The following SLC17A7 variants were observed in gnomAD, a reference collection of about 807,000 sequenced individuals.
The protein encoded by SLC17A7 is vesicular glutamate transporter 1.
SLC17A7 carries 15 observed loss-of-function variants against 59.1 expected under a neutral mutation model. The observed-to-expected ratio is 0.25, with a 90% confidence interval of 0.17 to 0.39. SLC17A7 has a LOEUF of 0.39. Among genes scored for constraint, SLC17A7 ranks in the 10% least tolerant of loss-of-function variants. SLC17A7 has a pLI of 1.00. For missense variants in SLC17A7, 499 were observed against 765.1 expected (o/e 0.65, Z 4.10); for synonymous variants, 353 against 308.9 (o/e 1.14, Z -1.50).
Position 49,429,526 on chromosome 19 carries a change from A to G in SLC17A7, c.*993T>C. On this transcript the variant is annotated 3_prime_UTR_variant, in exon 12 of 12. Transcript: ENST00000221485. ...CCTGGCTCCTGCCCCATTCCCTTTC[A>G]TGGGATTCTGTGACTTCTCTATAGG... 5.0e-6 allele frequency: 2 copies of G among 399,026 alleles called. No individual in the cohort carries two copies. Among genetic ancestry groups the G allele is most frequent in the South Asian group, 1.3e-4 (1 of 7,858 alleles). 24.7% of individuals were successfully genotyped at this position (399,026 alleles called of 1,614,324 possible). A position where few individuals can be genotyped will look rare whatever the true frequency, so the allele number is the denominator to read the frequency against.
At chr19:49,440,718 A>G (rs1207750885) in intron 1 of SLC17A7, among the ~76,000 whole-genome samples, 2 of 152,172 alleles carry the variant, frequency 1.3e-5, no homozygotes, top group African/African-American at 2.4e-5. Flanking sequence ...ACACAGAGAG[A>G]CGGAGAGACC....
intron 3 of SLC17A7, 78 bp from the exon 4 acceptor site, chr19:49,434,960 C>T (rs2078974722): frequency 2.1e-6 from 3 of 1,431,518 alleles, no homozygotes; most frequent in South Asian, 1.2e-5. Context: ...CCACAGCAAG[C>T]TAGGCCCAGT....
Position 49,432,813 on chromosome 19 carries a change from T to C in SLC17A7, c.1015A>G (p.Lys339Glu). The C allele has an allele frequency of 1.9e-6, 3 of 1,589,164 alleles. No individual in the cohort carries two copies. The highest frequency in any genetic ancestry group is 2.6e-6 in the Non-Finnish European group (3 of 1,167,504). ...FEEVFGFEISKVGLVSALPHL... is the reference protein window; with the variant it reads ...FEEVFGFEISEVGLVSALPHL... ...TGCCCTCTCCTCCTGGGCTCTACCTTGCTGATCTCGAAGCCGAACACTTCT... is the reference window on the plus strand; with the variant it reads ...TGCCCTCTCCTCCTGGGCTCTACCTCGCTGATCTCGAAGCCGAACACTTCT... The change falls in exon 8 of 12, where the codon AAG becomes GAG. Residue 339 changes from lysine (K) to glutamate (E), a missense_variant and splice_region_variant. By Grantham distance (56) the Lys-to-Glu change is moderately conservative. Coordinates refer to ENST00000221485, the MANE Select transcript of SLC17A7 (RefSeq NM_020309.4).
chr19:49,435,329 C>A (rs777779248), intron 2 of SLC17A7, 43 bp from the exon 3 acceptor site: 142 of 1,428,750 alleles, frequency 9.9e-5, no homozygotes, highest in Non-Finnish European at 1.3e-4. Flanking sequence ...CCTGTCCAGG[C>A]TCTGCCGCTC....
In SLC17A7 at chr19:49,435,161, A is replaced by G. The variant is rs981569888; in HGVS notation, c.434+7T>C. ...TTACCGCCCACTTTGAGACCCCACC[A>G]CTGTACCTGTTGGCTGCAAATTTTT... is the stretch of plus-strand genomic sequence containing the variant. On this transcript the variant is annotated splice_region_variant and intron_variant, in intron 3 of 11. Transcript: ENST00000221485. 2.4e-5 allele frequency: 38 copies of G among 1,602,380 alleles called. No homozygotes were observed. The Admixed American group carries it at 6.2e-4, about 26-fold the overall frequency.
rs1600984878 is a variant in SLC17A7, at chr19:49,433,179, T to C, written c.868-219A>G. On this transcript the variant is annotated intron_variant, in intron 7 of 11. Coordinates refer to ENST00000221485, the MANE Select transcript of SLC17A7 (RefSeq NM_020309.4). This position sits in a 1 kb window ranked among gnomAD's most constrained non-coding sequence, Gnocchi z 5.7. ...GAGTGATGAAGGGGTCCTGGCCCTA[T>C]GGTAGCCTCTCAGGTCCGCAGGTGT... 1 of 585,080 alleles carries C rather than the reference T, an allele frequency of 1.7e-6. No homozygotes were observed. The highest frequency in any genetic ancestry group is 2.1e-5 in the South Asian group (1 of 46,982). 36.2% of individuals were successfully genotyped at this position (585,080 alleles called of 1,614,324 possible).
In SLC17A7 at chr19:49,436,841, C is replaced by T; in HGVS notation, c.63-40G>A. ...GAGCCAGAGACTCGGAAGTCCAGGC[C>T]CCCAGCCCCCTCACCCCCAAGACCA... On this transcript the variant is annotated intron_variant, in intron 1 of 11. Transcript: ENST00000221485. This position sits in a 1 kb window ranked among gnomAD's most constrained non-coding sequence, Gnocchi z 4.1. 1.9e-6 allele frequency: 3 copies of T among 1,588,042 alleles called. No individual in the cohort carries two copies. The highest frequency in any genetic ancestry group is 2.6e-6 in the Non-Finnish European group (3 of 1,173,090).
At position 49,434,897 on chromosome 19, in the gene SLC17A7, CAGAGA is replaced by C. The variant is rs2078974352; in HGVS notation, c.435-20_435-16del. 6.2e-7 allele frequency: 1 copy of C among 1,606,254 alleles called. No homozygotes were observed. Among genetic ancestry groups the C allele is most frequent in the African/African-American group, 1.3e-5 (1 of 74,524 alleles). On this transcript the variant is annotated splice_polypyrimidine_tract_variant and intron_variant, in intron 3 of 11. Coordinates refer to ENST00000221485, the MANE Select transcript of SLC17A7 (RefSeq NM_020309.4). ...AGCCGAAAACTCTGATGGGAAGGGT[CAGAGA>C]AAAGAATCCAAGCTATCCAGCCATG...
Position 49,431,366 on chromosome 19 carries a change from G to T in SLC17A7, c.1233C>A (p.Ala411=). ...AGATGGCGAAGCCGCTGAAGCCCAC[G>T]GCTAGGACCAGGAAGGAGATGGCCA... ...KGVAISFLVL[A]VGFSGFAISG... The change falls in exon 10 of 12, where the codon GCC becomes GCA. Residue 411 remains alanine, a synonymous_variant. Coordinates refer to ENST00000221485, the MANE Select transcript of SLC17A7 (RefSeq NM_020309.4). The surrounding 1 kb of genome is among the most constrained non-coding windows in gnomAD (Gnocchi z 4.6). 3 of 1,614,180 alleles carry T rather than the reference G, an allele frequency of 1.9e-6. No individual in the cohort carries two copies. Among genetic ancestry groups the T allele is most frequent in the South Asian group, 2.2e-5 (2 of 91,086 alleles).
chr19:49,430,418 A>AG lies in SLC17A7; in HGVS notation c.*100dup. 1 of 836,654 alleles carries AG rather than the reference A, an allele frequency of 1.2e-6. No individual in the cohort carries two copies. Among genetic ancestry groups the AG allele is most frequent in the Non-Finnish European group, 1.9e-6 (1 of 538,948 alleles). 51.8% of individuals were successfully genotyped at this position (836,654 alleles called of 1,614,324 possible). A position where few individuals can be genotyped will look rare whatever the true frequency, so the allele number is the denominator to read the frequency against. The stretch of plus-strand genomic sequence containing the variant: ...CAAGGGAGAGTGCTTCTTAGGCCTG[A>AG]GGCAGGACAGAGAGGAGCAGGGTTC... On this transcript the variant is annotated 3_prime_UTR_variant, in exon 12 of 12. Coordinates refer to ENST00000221485, the MANE Select transcript of SLC17A7 (RefSeq NM_020309.4).
rs141869980 is a variant in SLC17A7 at position 49,430,598 on chromosome 19, G to C, written c.1604C>G (p.Pro535Arg). The C allele has an allele frequency of 4.5e-5, 72 of 1,613,068 alleles. No homozygotes were observed. The Middle Eastern group carries it at 2.0e-3, about 44-fold the overall frequency. Residue 535 changes from proline (P) to arginine (R), a missense_variant, in exon 12 of 12, where the codon CCT (proline) becomes CGT (arginine). By Grantham distance (103) the Pro-to-Arg change is moderately radical. This residue lies in a region of SLC17A7 where 98 missense variants were observed against 77.5 expected (regional missense o/e 1.27). Transcript: ENST00000221485. ...GGCCCCATAGGAGGGCGGGGGTGCA[G>C]GGGGTGCCCCCGGGGGCTCAGCCTC... Reference protein sequence around the residue: ...EDEAEPPGAPPAPPPSYGATH... With the variant: ...EDEAEPPGAPRAPPPSYGATH...
In SLC17A7 at chr19:49,440,819, G is replaced by A. The variant is rs533897342; in HGVS notation, c.62+499C>T. The stretch of plus-strand genomic sequence containing the variant: ...AGGGAAGAGGAGAGACCCAGAAAGA[G>A]GGGGACAGAGACTCTGAGTCAGGAG... On this transcript the variant is annotated intron_variant, in intron 1 of 11. Coordinates refer to ENST00000221485, the MANE Select transcript of SLC17A7 (RefSeq NM_020309.4). Among the ~76,000 whole-genome samples, 8 of 151,978 alleles carry A rather than the reference G, an allele frequency of 5.3e-5. No individual in the cohort carries two copies. The South Asian group carries it at 1.7e-3, about 32-fold the overall frequency.
Position 49,435,300 on chromosome 19 carries a change from T to G in SLC17A7, c.316-14A>C, listed in dbSNP as rs1339175511. ...GAACTGGGCTTTCTGCGGGCCAAAA[T>G]GTACATTAAATCAGCCGCCCTGTCC... On this transcript the variant is annotated splice_polypyrimidine_tract_variant and intron_variant, in intron 2 of 11. Coordinates refer to ENST00000221485, the MANE Select transcript of SLC17A7 (RefSeq NM_020309.4). The G allele has an allele frequency of 1.0e-5, 16 of 1,594,772 alleles. No homozygotes were observed. In the Admixed American group the frequency reaches 2.3e-4, roughly 23 times the overall value.
In SLC17A7 at chr19:49,430,435, G is replaced by A. The variant is rs1268536062; in HGVS notation, c.*84C>T. The A allele has an allele frequency of 1.0e-5, 10 of 977,584 alleles. No homozygotes were observed. The East Asian group carries it at 2.5e-4, about 25-fold the overall frequency. 60.6% of individuals were successfully genotyped at this position (977,584 alleles called of 1,614,324 possible). On this transcript the variant is annotated 3_prime_UTR_variant, in exon 12 of 12. Transcript: ENST00000221485. ...TAGGCCTGAGGCAGGACAGAGAGGAGCAGGGTTCCTTGACACTGTCACTCA... is the reference window on the plus strand; with the variant it reads ...TAGGCCTGAGGCAGGACAGAGAGGAACAGGGTTCCTTGACACTGTCACTCA...
rs1265943653 is a variant in SLC17A7, at chr19:49,430,601, G to A, written c.1601C>T (p.Pro534Leu). Residue 534 changes from proline (P) to leucine (L), a missense_variant, in exon 12 of 12, where the codon CCC becomes CTC. This residue lies in a region of SLC17A7 where 98 missense variants were observed against 77.5 expected (regional missense o/e 1.27). Coordinates refer to ENST00000221485, the MANE Select transcript of SLC17A7 (RefSeq NM_020309.4). Reference sequence around the variant, plus strand: ...CCCATAGGAGGGCGGGGGTGCAGGGGGTGCCCCCGGGGGCTCAGCCTCATC... The same window carrying A: ...CCCATAGGAGGGCGGGGGTGCAGGGAGTGCCCCCGGGGGCTCAGCCTCATC... ...MEDEAEPPGA[P>L]PAPPPSYGAT... 4 of 1,613,192 alleles carry A rather than the reference G, an allele frequency of 2.5e-6. No individual in the cohort carries two copies. The highest frequency in any genetic ancestry group is 8.5e-7 in the Non-Finnish European group (1 of 1,179,484).
At position 49,431,782 on chromosome 19, in the gene SLC17A7, G is replaced by GT. The variant is rs70954427; in HGVS notation, c.1151-335dup. ...CTCAATCCCCACTCATGAGTTTTTG[G>GT]TTTTTTTTTTTTTTAATTTTTGATT... On this transcript the variant is annotated intron_variant, in intron 9 of 11. Transcript: ENST00000221485. The surrounding 1 kb of genome is among the most constrained non-coding windows in gnomAD (Gnocchi z 4.6). Among the ~76,000 whole-genome samples the GT allele has an allele frequency of 2.2e-4, 33 of 148,724 alleles. No homozygotes were observed. The highest frequency in any genetic ancestry group is 3.5e-3 in the Middle Eastern group (1 of 286).
chr19:49,436,973 A>C lies in SLC17A7; in HGVS notation c.63-172T>G. On this transcript the variant is annotated intron_variant, in intron 1 of 11. Coordinates refer to ENST00000221485, the MANE Select transcript of SLC17A7 (RefSeq NM_020309.4). The surrounding 1 kb of genome is among the most constrained non-coding windows in gnomAD (Gnocchi z 4.1). ...CTCCCTTCGCCCCCCTGATCCAGAA[A>C]TCCTCCATCTCCCTCAGACCGGGAA... is the stretch of plus-strand genomic sequence containing the variant. The C allele has an allele frequency of 4.5e-6, 4 of 879,464 alleles. No individual in the cohort carries two copies. The highest frequency in any genetic ancestry group is 6.7e-6 in the Non-Finnish European group (4 of 597,266). 54.5% of individuals were successfully genotyped at this position (879,464 alleles called of 1,614,324 possible).
chr19:49,434,568 C>T (rs1201279471), intron 5 of SLC17A7, 34 bp downstream of exon 5: 4 of 1,575,498 alleles, frequency 2.5e-6, no homozygotes, highest in Non-Finnish European at 3.4e-6. Flanking sequence ...CCTCCTCCCT[C>T]AGATTCAGGA....
chr19:49,441,362 C>T lies in SLC17A7; in HGVS notation c.18G>A (p.Glu6=), dbSNP rs1265436343. The T allele has an allele frequency of 4.4e-6, 7 of 1,603,864 alleles. No individual in the cohort carries two copies. The African/African-American group carries it at 9.4e-5, about 22-fold the overall frequency. The change falls in exon 1 of 12, where the codon GAG becomes GAA. Residue 6 remains glutamate (E), a synonymous_variant. Transcript: ENST00000221485. The stretch of plus-strand genomic sequence containing the variant: ...CACGACCCGCTAGCTTCCGAAACTC[C>T]TCCTGGCGGAACTCCATGGTGGCGG... MEFRQ[E]EFRKLAGRAL...
Sources: allele counts gnomAD v4.1 joint callset (sites outside exome capture counted in the v4.1 genomes callset), GRCh38; gene constraint gnomAD v4.1.1; regional missense constraint gnomAD v4.1.1; non-coding constraint Gnocchi (gnomAD v3.1); transcripts MANE v1.5; gene names NCBI Gene and HGNC (gene_info 2026-07-23, HGNC 2026-07-21).